ZFYVE9: variants seen among roughly 807,000 people sequenced by gnomAD.
ZFYVE9 encodes the protein zinc finger FYVE domain-containing protein 9.
A neutral mutation model predicts 126.7 loss-of-function variants in ZFYVE9; 43 were observed. The ratio of observed to expected loss-of-function variants is 0.34; its 90% CI spans 0.27 to 0.44. ZFYVE9 has a LOEUF of 0.44. ZFYVE9 is among the 20% of genes least tolerant of loss of function. The pLI is 1.00. For synonymous variants in ZFYVE9, 521 were observed against 597.4 expected, an observed-to-expected ratio of 0.87 and a Z score of 1.87; for missense variants, 1,476 against 1,697.0, an observed-to-expected ratio of 0.87 and a Z score of 2.29.
At chr1:52,232,376 T>G (rs142907158) in intron 2 of ZFYVE9, among the ~76,000 whole-genome samples, 72 of 152,274 alleles carry the variant, frequency 4.7e-4, no homozygotes, top group Non-Finnish European at 8.2e-4. Flanking sequence ...AAGGATGCTT[T>G]TGGATCGATT....
At position 52,274,481 on chromosome 1, in the gene ZFYVE9, C is replaced by T. The variant is rs368907401; in HGVS notation, c.2643C>T (p.Phe881=). Residue 881 remains phenylalanine, a synonymous_variant, in exon 8 of 19, where the codon TTC becomes TTT. Coordinates refer to ENST00000287727, the MANE Select transcript of ZFYVE9 (RefSeq NM_004799.4). ...TTTCCTAGACGGATATTTGTCTATTCTCTGGGAGTATAACTCAGGTTGGAA... is the reference window on the plus strand; with the variant it reads ...TTTCCTAGACGGATATTTGTCTATTTTCTGGGAGTATAACTCAGGTTGGAA... ...PLPAETDICL[F]SGSITQVGSP... 3 of 1,610,490 alleles carry T rather than the reference C, an allele frequency of 1.9e-6. No homozygotes were observed. The highest frequency in any genetic ancestry group is 1.7e-6 in the Non-Finnish European group (2 of 1,177,642).
chr1:52,280,437 T>C (rs1645791846), intron 9 of ZFYVE9, among the ~76,000 whole-genome samples: 1 of 151,984 alleles, frequency 6.6e-6, no homozygotes, highest in South Asian at 2.1e-4. Flanking sequence ...TCATGAGGAA[T>C]GTCCTATTTA....
chr1:52,214,036 C>G (rs1394898610), intron 1 of ZFYVE9, among the ~76,000 whole-genome samples: 1 of 152,088 alleles, frequency 6.6e-6, no homozygotes, highest in Non-Finnish European at 1.5e-5. Flanking sequence ...AGTTTATTTT[C>G]TGGAAGAATT....
chr1:52,251,051 T>C (rs927218332), intron 4 of ZFYVE9, among the ~76,000 whole-genome samples: 4 of 144,376 alleles, frequency 2.8e-5, no homozygotes, highest in African/African-American at 1.0e-4. Context: ...GTTGTTGTTG[T>C]TGTTGTTGTT....
chr1:52,210,469 T>TC (rs2124585231), intron 1 of ZFYVE9, among the ~76,000 whole-genome samples: 1 of 152,324 alleles, frequency 6.6e-6, no homozygotes, highest in East Asian at 1.9e-4. Context: ...TCATCTTTTT[T>TC]CCCTGTCCCT....
chr1:52,195,836 A>G (rs1644854749), intron 1 of ZFYVE9, among the ~76,000 whole-genome samples: 1 of 150,814 alleles, frequency 6.6e-6, no homozygotes, highest in Non-Finnish European at 1.5e-5. Flanking sequence ...TCTGTCGCCC[A>G]GGCTGGAGTG....
At chr1:52,254,119 C>T (rs1384386489) in intron 4 of ZFYVE9, 18 of 750,974 alleles carry the variant, frequency 2.4e-5, no homozygotes, top group East Asian at 1.5e-4. Flanking sequence ...TAGAAGAGAG[C>T]GCCATTGGTA....
At chr1:52,242,647 A>C (rs1645346188) in intron 4 of ZFYVE9, among the ~76,000 whole-genome samples, 1 of 151,994 alleles carries the variant, frequency 6.6e-6, no homozygotes, top group African/African-American at 2.4e-5. Context: ...AGTCATGTGT[A>C]TTGTTCCTAC....
Position 52,239,529 on chromosome 1 carries a change from T to C in ZFYVE9, c.2112T>C (p.Asn704=), listed in dbSNP as rs765332808. The C allele has an allele frequency of 1.1e-5, 18 of 1,614,048 alleles. No homozygotes were observed. Among genetic ancestry groups the C allele is most frequent in the Non-Finnish European group, 1.2e-5 (14 of 1,179,976 alleles). ...PVWVPDSQAP[N]CMKCEARFTF... is the part of the protein sequence containing the mutation. ...GGGTACCGGATTCTCAGGCTCCAAA[T>C]TGCATGAAATGTGAAGCCAGGTTTA... Residue 704 remains asparagine (N), a synonymous_variant, in exon 4 of 19, where the codon AAT becomes AAC. Transcript: ENST00000287727.
At chr1:52,321,285 A>G (rs1019336578) in intron 13 of ZFYVE9, among the ~76,000 whole-genome samples, 1 of 152,222 alleles carries the variant, frequency 6.6e-6, no homozygotes, top group African/African-American at 2.4e-5. Context: ...AGATGGCGCT[A>G]AAATCTGTTT....
intron 5 of ZFYVE9, among the ~76,000 whole-genome samples, chr1:52,264,720 C>T (rs1318958859): frequency 2.0e-5 from 3 of 152,138 alleles, no homozygotes; most frequent in Non-Finnish European, 4.4e-5. Context: ...TGCTCTGAGA[C>T]CCCTCCTGCT....
At chr1:52,193,662 G>A (rs999390166) in intron 1 of ZFYVE9, among the ~76,000 whole-genome samples, 11 of 132,992 alleles carry the variant, frequency 8.3e-5, no homozygotes, top group Admixed American at 3.5e-4. Flanking sequence ...AGCCGAGATC[G>A]TGCCACTACA....
At chr1:52,167,648 T>A (rs1644526111) in intron 1 of ZFYVE9, among the ~76,000 whole-genome samples, 2 of 152,146 alleles carry the variant, frequency 1.3e-5, no homozygotes, top group African/African-American at 4.8e-5. Context: ...CAGAAACACC[T>A]CATCAGAAAG....
chr1:52,144,338 A>G (rs934404892), intron 1 of ZFYVE9, among the ~76,000 whole-genome samples: 2 of 152,120 alleles, frequency 1.3e-5, no homozygotes, highest in South Asian at 2.1e-4. Flanking sequence ...AGTTGAATAC[A>G]GTTCTCAGTG....
At position 52,239,400 on chromosome 1, in the gene ZFYVE9, C is replaced by T. The variant is rs888036275; in HGVS notation, c.1983C>T (p.Cys661=). Residue 661 remains cysteine (C), a synonymous_variant, in exon 4 of 19, where the codon TGC becomes TGT. Coordinates refer to ENST00000287727, the MANE Select transcript of ZFYVE9 (RefSeq NM_004799.4). ...SYEAEISTRP[C]LALAPDSPDN... ...AGGCTGAGATCTCCACTAGACCATG[C>T]CTTGCATTAGCTCCAGATAGCCCAG... The T allele has an allele frequency of 2.3e-5, 37 of 1,614,034 alleles. No homozygotes were observed. The highest frequency in any genetic ancestry group is 3.1e-5 in the Non-Finnish European group (36 of 1,180,028).
At chr1:52,147,199 C>T (rs1425683901) in intron 1 of ZFYVE9, among the ~76,000 whole-genome samples, 8 of 152,214 alleles carry the variant, frequency 5.3e-5, no homozygotes, top group African/African-American at 7.2e-5. Context: ...GGATACTCAA[C>T]GCATAAAGTA....
intron 13 of ZFYVE9, among the ~76,000 whole-genome samples, chr1:52,310,780 A>C (rs1417271410): frequency 6.6e-6 from 1 of 152,240 alleles, no homozygotes; most frequent in Non-Finnish European, 1.5e-5. Flanking sequence ...TAGCTAGTAC[A>C]TGCACTTAAA....
chr1:52,175,374 G>A (rs1419779220), intron 1 of ZFYVE9, among the ~76,000 whole-genome samples: 3 of 151,716 alleles, frequency 2.0e-5, no homozygotes, highest in Non-Finnish European at 4.4e-5. Flanking sequence ...CGAGAGATCA[G>A]CTGTTAGTCT....
intron 1 of ZFYVE9, among the ~76,000 whole-genome samples, chr1:52,164,479 G>A (rs577511621): frequency 3.3e-5 from 5 of 152,202 alleles, no homozygotes; most frequent in African/African-American, 1.2e-4. Flanking sequence ...CTCCCAAAGT[G>A]TTGGGATTAC....
Sources: allele counts gnomAD v4.1 joint callset (sites outside exome capture counted in the v4.1 genomes callset), GRCh38; gene constraint gnomAD v4.1.1; transcripts MANE v1.5; gene names NCBI Gene and HGNC (gene_info 2026-07-23, HGNC 2026-07-21).